The following CAMK1D variants were observed in gnomAD, a reference collection of about 807,000 sequenced individuals.
CAMK1D encodes calcium/calmodulin dependent protein kinase ID.
Under a neutral mutation model 47.7 loss-of-function variants are expected in CAMK1D, and 9 were observed. The ratio of observed to expected loss-of-function variants is 0.19; its 90% CI spans 0.11 to 0.33. The LOEUF (loss-of-function observed/expected upper bound fraction) is 0.33, where lower values mean the gene tolerates loss of function less well. CAMK1D is among the 10% of genes least tolerant of loss of function. The pLI is 1.00. For synonymous variants in CAMK1D, 184 were observed against 184.9 expected, an observed-to-expected ratio of 0.99 and a Z score of 0.04; for missense variants, 291 against 488.7, an observed-to-expected ratio of 0.60 and a Z score of 3.81.
intron 1 of CAMK1D, among the ~76,000 whole-genome samples, chr10:12,469,527 A>G (rs1304312919): frequency 1.3e-5 from 2 of 152,170 alleles, no homozygotes; most frequent in African/African-American, 4.8e-5. Context: ...CAGTCATGGC[A>G]AATAAACAAC....
chr10:12,361,071 C>T (rs1174005856), intron 1 of CAMK1D, among the ~76,000 whole-genome samples: 2 of 152,092 alleles, frequency 1.3e-5, no homozygotes, highest in African/African-American at 4.8e-5. Flanking sequence ...TGGGGACATC[C>T]TGTATGTGGC....
At chr10:12,503,454 G>A in intron 1 of CAMK1D, among the ~76,000 whole-genome samples, 1 of 152,328 alleles carries the variant, frequency 6.6e-6, no homozygotes, top group Middle Eastern at 3.4e-3. Flanking sequence ...TAACAAGGGA[G>A]GAGAGAGCAG....
At chr10:12,693,240 C>T (rs1355281759) in intron 3 of CAMK1D, among the ~76,000 whole-genome samples, 6 of 152,064 alleles carry the variant, frequency 3.9e-5, no homozygotes, top group Non-Finnish European at 8.8e-5. Flanking sequence ...TGGCGTGCGC[C>T]TGTAGTCTAA....
intron 1 of CAMK1D, among the ~76,000 whole-genome samples, chr10:12,391,319 T>C (rs1411782197): frequency 6.6e-6 from 1 of 152,208 alleles, no homozygotes; most frequent in Non-Finnish European, 1.5e-5. Flanking sequence ...GGGGATTGTC[T>C]GTGGGAATTC....
At chr10:12,403,176 AC>A (rs1359089982) in intron 1 of CAMK1D, among the ~76,000 whole-genome samples, 1 of 152,232 alleles carries the variant, frequency 6.6e-6, no homozygotes, top group Non-Finnish European at 1.5e-5. Context: ...TCTGAGGACC[AC>A]GTTGGACACG....
chr10:12,731,487 A>G (rs993761584), intron 3 of CAMK1D, among the ~76,000 whole-genome samples: 8 of 152,232 alleles, frequency 5.3e-5, no homozygotes, highest in Non-Finnish European at 8.8e-5. Flanking sequence ...GGTCAGCATG[A>G]TCGGGAGTTT....
At chr10:12,776,887 TGAA>T (rs992694333) in intron 5 of CAMK1D, among the ~76,000 whole-genome samples, 3 of 152,106 alleles carry the variant, frequency 2.0e-5, no homozygotes, top group African/African-American at 7.2e-5. Context: ...AGCTGAAACA[TGAA>T]GAAGGAGCAC....
intron 2 of CAMK1D, among the ~76,000 whole-genome samples, chr10:12,588,967 TTACATACA>T (rs766305388): frequency 6.6e-6 from 1 of 151,880 alleles, no homozygotes; most frequent in South Asian, 2.1e-4. Context: ...CAGGTGCATG[TTACATACA>T]TACATACATA....
chr10:12,455,535 AT>A (rs1484176118), intron 1 of CAMK1D, among the ~76,000 whole-genome samples: 1 of 152,184 alleles, frequency 6.6e-6, no homozygotes, highest in Non-Finnish European at 1.5e-5. Context: ...TAAATTCCAT[AT>A]AAATGGAATT....
At position 12,378,892 on chromosome 10, in the gene CAMK1D, C is replaced by T. The variant is rs550635091; in HGVS notation, c.92+28982C>T. On this transcript the variant is annotated intron_variant, in intron 1 of 10. Transcript: ENST00000619168. ...TGGTGCGCTCTCAGCTCACTGCAAC[C>T]TTCGCCTCCTGGGTTCAAGTGATTC... Among the ~76,000 whole-genome samples the T allele has an allele frequency of 3.3e-5, 5 of 150,148 alleles. No individual in the cohort carries two copies. In the South Asian group the frequency reaches 1.0e-3, roughly 31 times the overall value.
chr10:12,710,473 AAGAC>A (rs1268843322), intron 3 of CAMK1D, among the ~76,000 whole-genome samples: 1 of 152,246 alleles, frequency 6.6e-6, no homozygotes, highest in Non-Finnish European at 1.5e-5. Flanking sequence ...ATTAGTGACA[AAGAC>A]AGAGAAGAAA....
At chr10:12,581,546 A>G (rs12268458) in intron 2 of CAMK1D, among the ~76,000 whole-genome samples, 1 of 152,082 alleles carries the variant, frequency 6.6e-6, no homozygotes, top group East Asian at 1.9e-4. Flanking sequence ...CCCCACCAAC[A>G]TCTACTGTTT....
intron 3 of CAMK1D, among the ~76,000 whole-genome samples, chr10:12,743,045 C>T (rs1408541581): frequency 6.6e-6 from 1 of 152,100 alleles, no homozygotes; most frequent in Non-Finnish European, 1.5e-5. Context: ...GAAGATTGAA[C>T]AAGAAACCAA....
At chr10:12,377,457 T>C (rs754767175) in intron 1 of CAMK1D, among the ~76,000 whole-genome samples, 3 of 152,218 alleles carry the variant, frequency 2.0e-5, no homozygotes, top group African/African-American at 7.2e-5. Context: ...AGAACAGATA[T>C]TCTTTGACTT....
intron 3 of CAMK1D, among the ~76,000 whole-genome samples, chr10:12,672,716 T>A (rs960692222): frequency 2.0e-5 from 3 of 152,056 alleles, no homozygotes; most frequent in Admixed American, 1.3e-4. Flanking sequence ...CAGGTTAATT[T>A]TATATATATA....
chr10:12,535,935 G>A (rs1239022951), intron 1 of CAMK1D, among the ~76,000 whole-genome samples: 1 of 152,116 alleles, frequency 6.6e-6, no homozygotes, highest in Non-Finnish European at 1.5e-5. Flanking sequence ...GAGGGGATAA[G>A]TACCTTTCCC....
chr10:12,549,962 G>A (rs1165844163), intron 1 of CAMK1D, among the ~76,000 whole-genome samples: 1 of 152,184 alleles, frequency 6.6e-6, no homozygotes, highest in Admixed American at 6.5e-5. Flanking sequence ...TTCTCTTACA[G>A]GCTTCCAAGG....
chr10:12,569,592 G>A (rs184195046), intron 2 of CAMK1D, among the ~76,000 whole-genome samples: 2 of 151,444 alleles, frequency 1.3e-5, no homozygotes, highest in African/African-American at 2.4e-5. Flanking sequence ...GGTGGCGGGC[G>A]CCTGTAGTCC....
chr10:12,765,176 C>T (rs1836691348), intron 4 of CAMK1D, among the ~76,000 whole-genome samples: 1 of 152,186 alleles, frequency 6.6e-6, no homozygotes, highest in Admixed American at 6.5e-5. Context: ...AAATTAATGT[C>T]ACAGTGACTC....
Sources: gnomAD v4.1 joint callset for allele counts (sites outside exome capture counted in the v4.1 genomes callset) on GRCh38, gnomAD v4.1.1 for gene constraint, MANE v1.5 for transcripts, NCBI Gene and HGNC (gene_info 2026-07-23, HGNC 2026-07-21) for gene names.